Variants in NUP214 observed in about 807,000 individuals in gnomAD.
NUP214 encodes nuclear pore complex protein Nup214.
NUP214 carries 79 observed loss-of-function variants against 196.2 expected under a neutral mutation model. That is an observed-to-expected ratio of 0.40 (90% CI 0.34 to 0.49). The LOEUF is 0.49. Ranked by LOEUF, NUP214 falls within the 20% of genes least tolerant of loss-of-function variation. The pLI, the probability that NUP214 is intolerant of heterozygous loss-of-function variation, is 0.58. For synonymous variants in NUP214, 1,020 were observed against 990.5 expected (o/e 1.03, Z -0.56); for missense variants, 2,468 against 2,539.0 (o/e 0.97, Z 0.60).
chr9:131,140,642 G>A lies in NUP214; in HGVS notation c.1226G>A (p.Gly409Glu), dbSNP rs1157837124. The A allele has an allele frequency of 1.2e-6, 2 of 1,613,790 alleles. No individual in the cohort carries two copies. Among genetic ancestry groups the A allele is most frequent in the East Asian group, 2.2e-5 (1 of 44,880 alleles). The change falls in exon 11 of 36, where the codon GGG becomes GAG. Residue 409 changes from glycine (G) to glutamate (E), a missense_variant. Coordinates refer to ENST00000359428, the MANE Select transcript of NUP214 (RefSeq NM_005085.4). ...TTTTATATGATTAATCAAAATCCTG[G>A]GGTTAAGTCTCTCATCAAAACACCA... is the stretch of plus-strand genomic sequence containing the variant. The part of the protein sequence containing the change: ...CPFYMINQNP[G>E]VKSLIKTPER...
intron 3 of NUP214, chr9:131,128,854 C>G (rs62580388): frequency 3.5e-6 from 1 of 287,076 alleles, no homozygotes; most frequent in Non-Finnish European, 6.7e-6. Context: ...GTACTAAGTG[C>G]TTTATATGCC....
At chr9:131,215,416 G>A in intron 31 of NUP214, 48 bp downstream of exon 31, 1 of 1,461,626 alleles carries the variant, frequency 6.8e-7, no homozygotes, top group Middle Eastern at 1.9e-4. Flanking sequence ...TAATGCCATT[G>A]TCATTCTTAG....
chr9:131,127,225 A>C (rs1360687909), intron 1 of NUP214: 1 of 198,274 alleles, frequency 5.0e-6, no homozygotes, highest in East Asian at 1.3e-4. Flanking sequence ...TCTACTAAAA[A>C]TACAAAAATT....
intron 33 of NUP214, chr9:131,229,761 A>G (rs1380734234): frequency 5.8e-6 from 3 of 518,882 alleles, no homozygotes; most frequent in South Asian, 2.8e-5. Context: ...CCTGGGAGAA[A>G]GTCCAATGAG....
At chr9:131,224,777 G>C (rs77451774) in intron 32 of NUP214, among the ~76,000 whole-genome samples, 6,174 of 152,290 alleles carry the variant, frequency 0.041, 165 homozygotes, top group African/African-American at 0.078. Flanking sequence ...TACACACACA[G>C]TGCATTGTTT....
At chr9:131,159,306 CT>C (rs1412322500) in intron 17 of NUP214, 76 bp from the exon 18 acceptor site, 1 of 957,076 alleles carries the variant, frequency 1.0e-6, no homozygotes, top group East Asian at 2.5e-5. Context: ...TTTTAGAATT[CT>C]TTTGACTGTT....
chr9:131,173,245 A>G (rs1171051925), intron 21 of NUP214, among the ~76,000 whole-genome samples: 1 of 151,178 alleles, frequency 6.6e-6, no homozygotes, highest in Non-Finnish European at 1.5e-5. Flanking sequence ...TTTAGTAGAG[A>G]TGGGGTTTCA....
At chr9:131,224,018 G>A (rs1834658547) in intron 32 of NUP214, among the ~76,000 whole-genome samples, 1 of 151,862 alleles carries the variant, frequency 6.6e-6, no homozygotes, top group African/African-American at 2.4e-5. Context: ...ACAGGCGTGA[G>A]CCACCATGCC....
chr9:131,206,141 C>CTTTTTTTTTTTTTTTTTTTTTTT (rs1588166866), intron 30 of NUP214, among the ~76,000 whole-genome samples: 1 of 23,872 alleles, frequency 4.2e-5, no homozygotes, highest in African/African-American at 1.4e-4. Flanking sequence ...GAATTTTTTT[C>CTTTTTTTTTTTTTTTTTTTTTTT]TTTTTTCTTT....
intron 1 of NUP214, chr9:131,126,878 C>T (rs1480775362): frequency 6.6e-6 from 1 of 152,102 alleles, no homozygotes; most frequent in East Asian, 1.9e-4. Flanking sequence ...TGAGAATCAC[C>T]ACCTGTGGTG....
chr9:131,143,987 G>A (rs1472079070), intron 11 of NUP214, among the ~76,000 whole-genome samples: 1 of 152,076 alleles, frequency 6.6e-6, no homozygotes, highest in East Asian at 1.9e-4. Flanking sequence ...ACTTTTTCCT[G>A]GTTGTTAATG....
At chr9:131,202,571 G>T (rs1424549977) in intron 30 of NUP214, among the ~76,000 whole-genome samples, 1 of 151,506 alleles carries the variant, frequency 6.6e-6, no homozygotes, top group Non-Finnish European at 1.5e-5. Flanking sequence ...CTATAGGTTT[G>T]TGCCACCACA....
At chr9:131,154,418 TTCTG>T (rs887470894) in intron 17 of NUP214, among the ~76,000 whole-genome samples, 6 of 152,212 alleles carry the variant, frequency 3.9e-5, no homozygotes, top group South Asian at 2.1e-4. Flanking sequence ...CATTGTATCA[TTCTG>T]TCTATCTATC....
intron 17 of NUP214, among the ~76,000 whole-genome samples, chr9:131,152,588 C>T (rs774100032): frequency 6.6e-6 from 1 of 152,028 alleles, no homozygotes; most frequent in East Asian, 1.9e-4. Context: ...TTATTTCTAG[C>T]CTTCAAAGCC....
Position 131,232,496 on chromosome 9 carries a change from G to T in NUP214, c.6239+188G>T. 1.5e-6 allele frequency: 1 copy of T among 664,404 alleles called. No homozygotes were observed. The highest frequency in any genetic ancestry group is 1.8e-5 in the African/African-American group (1 of 55,714). The allele number at this position is 664,404 out of a possible 1,614,324, so 41.2% of individuals were successfully genotyped here. The stretch of plus-strand genomic sequence containing the variant: ...ACTTGCTCTTCTCTGTAGCAATATG[G>T]CAGGAGGTGCCAGGCCTCGCCTTCT... On this transcript the variant is annotated intron_variant, in intron 35 of 35. Transcript: ENST00000359428. This position sits in a 1 kb window ranked among gnomAD's most constrained non-coding sequence, Gnocchi z 5.1.
chr9:131,134,843 G>A (rs1233083747), intron 7 of NUP214, 55 bp from the exon 8 acceptor site: 1 of 1,048,422 alleles, frequency 9.5e-7, no homozygotes, highest in Non-Finnish European at 1.5e-6. Context: ...CTTTTGCTGT[G>A]GGATCTGAGA....
chr9:131,218,180 G>A lies in NUP214; in HGVS notation c.5749+2812G>A, dbSNP rs1166348052. On this transcript the variant is annotated intron_variant, in intron 31 of 35. Transcript: ENST00000359428. ...AAGTTTAAGTGATTTTGAAGGAGTA[G>A]AGGAAACACTTAACATTGTATTATT... Among the ~76,000 whole-genome samples the A allele has an allele frequency of 2.6e-5, 4 of 152,228 alleles. No homozygotes were observed. In the South Asian group the frequency reaches 8.3e-4, roughly 32 times the overall value.
At position 131,146,191 on chromosome 9, in the gene NUP214, C is replaced by A; in HGVS notation, c.1832C>A (p.Pro611Gln). ...SSSQSAPPMS[P>Q]FSSASKPAAS... ...TCCCAGAGCGCACCCCCGATGTCGC[C>A]ATTCTCTTCTGCCTCCAAGCCAGCT... Residue 611 changes from proline (P) to glutamine (Q), a missense_variant, in exon 13 of 36, where the codon CCA becomes CAA. By Grantham distance (76) the Pro-to-Gln change is moderately conservative. This residue lies in a region of NUP214 where 1,801 missense variants were observed against 1,779.4 expected (regional missense o/e 1.01). Coordinates refer to ENST00000359428, the MANE Select transcript of NUP214 (RefSeq NM_005085.4). The surrounding 1 kb of genome is among the most constrained non-coding windows in gnomAD (Gnocchi z 4.6). 6 of 1,614,150 alleles carry A rather than the reference C, an allele frequency of 3.7e-6. No individual in the cohort carries two copies. The highest frequency in any genetic ancestry group is 4.2e-6 in the Non-Finnish European group (5 of 1,180,028).
intron 19 of NUP214, 48 bp from the exon 20 acceptor site, chr9:131,163,822 G>A (rs752164154): frequency 1.0e-5 from 15 of 1,440,820 alleles, no homozygotes; most frequent in East Asian, 4.5e-5. Context: ...GACAGCCTCC[G>A]ATCTTTCAGC....
Sources: gnomAD v4.1 joint callset for allele counts (sites outside exome capture counted in the v4.1 genomes callset) on GRCh38, gnomAD v4.1.1 for gene constraint, gnomAD v4.1.1 regional missense constraint, Gnocchi (gnomAD v3.1) non-coding constraint, MANE v1.5 for transcripts, NCBI Gene and HGNC (gene_info 2026-07-23, HGNC 2026-07-21) for gene names.